The following RAB38 variants were observed in gnomAD, a reference collection of about 807,000 sequenced individuals.
RAB38 encodes the protein ras-related protein Rab-38.
RAB38 carries 15 observed loss-of-function variants against 18.4 expected under a neutral mutation model. That is an observed-to-expected ratio of 0.82 (90% CI 0.55 to 1.26). RAB38 has a LOEUF of 1.26. Ranked by LOEUF, RAB38 falls within the 50% of genes most tolerant of loss-of-function variation. The pLI is 0.00. For synonymous variants in RAB38, 101 were observed against 104.4 expected (o/e 0.97, Z 0.20); for missense variants, 294 against 267.4 (o/e 1.10, Z -0.69).
intron 2 of RAB38, among the ~76,000 whole-genome samples, chr11:88,129,638 C>T (rs1942743694): frequency 6.6e-6 from 1 of 152,038 alleles, no homozygotes; most frequent in African/African-American, 2.4e-5. Flanking sequence ...AGTGAGACTC[C>T]ATCTCAAAAC....
At chr11:88,163,192 T>A (rs1255302395) in intron 1 of RAB38, among the ~76,000 whole-genome samples, 3 of 152,090 alleles carry the variant, frequency 2.0e-5, no homozygotes, top group African/African-American at 7.2e-5. Flanking sequence ...ATTACTATAT[T>A]CGGTGTCTCC....
rs148141908 is a variant in RAB38, at chr11:88,142,360, A to T, written c.483+7315T>A. 1.9e-4 allele frequency among the ~76,000 whole-genome samples: 29 copies of T among 152,352 alleles called. No individual in the cohort carries two copies. In the East Asian group the frequency reaches 4.6e-3, roughly 24 times the overall value. On this transcript the variant is annotated intron_variant, in intron 2 of 2. Coordinates refer to ENST00000243662, the MANE Select transcript of RAB38 (RefSeq NM_022337.3). ...TGATAATAGCTGTGAAATGCCTGGA[A>T]GGTTCTTAGTATGCAATAAATGATT...
the RAB38 span, among the ~76,000 whole-genome samples, chr11:88,024,178 AAGG>A: frequency 6.6e-6 from 1 of 152,136 alleles, no homozygotes; most frequent in Non-Finnish European, 1.5e-5. Context: ...CCAGAATATA[AAGG>A]AGCTCAAACC....
chr11:88,018,578 C>T, the RAB38 span, among the ~76,000 whole-genome samples: 19 of 152,200 alleles, frequency 1.2e-4, no homozygotes, highest in East Asian at 3.9e-4. Flanking sequence ...CAGAAAGCAG[C>T]GACAATAGCA....
At chr11:87,838,254 A>G in the RAB38 span, among the ~76,000 whole-genome samples, 1 of 151,978 alleles carries the variant, frequency 6.6e-6, no homozygotes, top group African/African-American at 2.4e-5. Flanking sequence ...AGCTGGGACT[A>G]CAGGCGCCTG....
At chr11:87,892,764 T>A in the RAB38 span, among the ~76,000 whole-genome samples, 1 of 151,856 alleles carries the variant, frequency 6.6e-6, no homozygotes, top group Non-Finnish European at 1.5e-5. Context: ...CAGGTACTGT[T>A]TCTTTCAAGA....
the RAB38 span, among the ~76,000 whole-genome samples, chr11:88,004,163 G>T: frequency 2.7e-5 from 4 of 148,826 alleles, no homozygotes; most frequent in Non-Finnish European, 6.0e-5. Flanking sequence ...TAGAACAATT[G>T]CCTCATAGAC....
At chr11:87,902,490 T>A in the RAB38 span, among the ~76,000 whole-genome samples, 26 of 151,558 alleles carry the variant, frequency 1.7e-4, no homozygotes, top group Admixed American at 2.6e-4. Flanking sequence ...TTTTGGTCAT[T>A]CCAGGTTATT....
chr11:87,967,523 A>T, the RAB38 span, among the ~76,000 whole-genome samples: 8 of 152,188 alleles, frequency 5.3e-5, no homozygotes, highest in Non-Finnish European at 8.8e-5. Flanking sequence ...GCTTACATGA[A>T]GGAGATAGTG....
At chr11:87,948,933 T>C in the RAB38 span, among the ~76,000 whole-genome samples, 176 of 152,270 alleles carry the variant, frequency 1.2e-3, no homozygotes, top group African/African-American at 4.1e-3. Flanking sequence ...TCCCTCTTTT[T>C]CTATTGATTG....
At chr11:88,037,467 C>T in the RAB38 span, among the ~76,000 whole-genome samples, 1 of 152,060 alleles carries the variant, frequency 6.6e-6, no homozygotes, top group Non-Finnish European at 1.5e-5. Flanking sequence ...TGTACCCATT[C>T]TAAGTGTACA....
the RAB38 span, among the ~76,000 whole-genome samples, chr11:87,937,311 CATATATATATATATAT>C: frequency 2.2e-4 from 18 of 82,690 alleles, no homozygotes; most frequent in East Asian, 2.0e-3. Flanking sequence ...ACTTGGTCAT[CATATATATATATATAT>C]ATATATATAT....
the RAB38 span, among the ~76,000 whole-genome samples, chr11:88,087,503 T>C: frequency 2.6e-5 from 4 of 151,838 alleles, no homozygotes; most frequent in African/African-American, 9.7e-5. Context: ...GGCAAGCCAA[T>C]AGTGTCAGAC....
the RAB38 span, among the ~76,000 whole-genome samples, chr11:87,954,310 G>A: frequency 1.3e-5 from 2 of 152,096 alleles, no homozygotes; most frequent in East Asian, 1.9e-4. Context: ...ACAACAGCCA[G>A]AACTTTGAGA....
At chr11:88,063,737 GA>G in the RAB38 span, among the ~76,000 whole-genome samples, 1 of 152,136 alleles carries the variant, frequency 6.6e-6, no homozygotes, top group African/African-American at 2.4e-5. Flanking sequence ...TTTTAAAAAG[GA>G]GAGTTCCCCA....
At chr11:88,009,628 G>T in the RAB38 span, among the ~76,000 whole-genome samples, 1 of 152,148 alleles carries the variant, frequency 6.6e-6, no homozygotes, top group East Asian at 1.9e-4. Context: ...TGATTCTGTT[G>T]AAGTGCTTGG....
intron 1 of RAB38, among the ~76,000 whole-genome samples, chr11:88,159,810 C>T (rs916361564): frequency 2.6e-5 from 4 of 151,942 alleles, no homozygotes; most frequent in Non-Finnish European, 4.4e-5. Flanking sequence ...CTACCTTTCA[C>T]CATATAGAAA....
the RAB38 span, among the ~76,000 whole-genome samples, chr11:88,075,475 G>A: frequency 0.65 from 98,703 of 152,050 alleles, 32,643 homozygotes; most frequent in African/African-American, 0.77. Context: ...GAAAATGTAA[G>A]AGTTTCTGAA....
chr11:87,920,547 G>A, the RAB38 span, among the ~76,000 whole-genome samples: 1 of 152,008 alleles, frequency 6.6e-6, no homozygotes, highest in Non-Finnish European at 1.5e-5. Flanking sequence ...GGCTTATTTT[G>A]TGGTTTAATA....
Sources: gnomAD v4.1 joint callset for allele counts (sites outside exome capture counted in the v4.1 genomes callset) on GRCh38, gnomAD v4.1.1 for gene constraint, MANE v1.5 for transcripts, NCBI Gene and HGNC (gene_info 2026-07-23, HGNC 2026-07-21) for gene names.